The following PDCL2 variants were observed in gnomAD, a reference collection of about 807,000 sequenced individuals.
PDCL2 encodes phosducin-like protein 2.
A neutral mutation model predicts 30.3 loss-of-function variants in PDCL2; 23 were observed. The ratio of observed to expected loss-of-function variants is 0.76; its 90% CI spans 0.55 to 1.08. The LOEUF (loss-of-function observed/expected upper bound fraction) is 1.08. PDCL2 is among the 50% of genes least tolerant of loss of function. The pLI is 0.00. For missense variants in PDCL2, 243 were observed against 282.3 expected, an observed-to-expected ratio of 0.86 and a Z score of 1.00; for synonymous variants, 68 against 86.2, an observed-to-expected ratio of 0.79 and a Z score of 1.17.
At chr4:55,570,726 C>G (rs1190141500) in intron 3 of PDCL2, among the ~76,000 whole-genome samples, 1 of 152,166 alleles carries the variant, frequency 6.6e-6, no homozygotes, top group Non-Finnish European at 1.5e-5. Context: ...CCAACTCTCT[C>G]AACATTTACA....
intron 1 of PDCL2, among the ~76,000 whole-genome samples, chr4:55,588,343 A>G (rs1158170442): frequency 6.6e-6 from 1 of 151,784 alleles, no homozygotes; most frequent in African/African-American, 2.4e-5. Flanking sequence ...CTGTTTATGT[A>G]AAAGTGCAGA....
At chr4:55,562,927 A>AAAAC (rs1553906831) in intron 4 of PDCL2, among the ~76,000 whole-genome samples, 1 of 149,988 alleles carries the variant, frequency 6.7e-6, no homozygotes, top group Non-Finnish European at 1.5e-5. Context: ...AAAAAAAAAA[A>AAAAC]ACAGGACACT....
rs375993279 is a variant in PDCL2 at position 55,579,475 on chromosome 4, T to A, written c.218+1346A>T. 2.0e-4 allele frequency among the ~76,000 whole-genome samples: 30 copies of A among 152,050 alleles called. No homozygotes were observed. The East Asian group carries it at 4.7e-3, about 24-fold the overall frequency. ...TCTCAAGTAGCTGGGATTACAGGCA[T>A]GTGCTACAACGCCTGGCTAATTTAA... On this transcript the variant is annotated intron_variant, in intron 3 of 5. Coordinates refer to ENST00000295645, the MANE Select transcript of PDCL2 (RefSeq NM_152401.3).
chr4:55,569,631 T>C (rs1732367575), intron 4 of PDCL2, 87 bp downstream of exon 4: 3 of 941,902 alleles, frequency 3.2e-6, no homozygotes, highest in Non-Finnish European at 4.4e-6. Context: ...TCTTGAGTAC[T>C]GTTATATACT....
chr4:55,567,247 A>G (rs185660613), intron 4 of PDCL2, among the ~76,000 whole-genome samples: 1 of 152,316 alleles, frequency 6.6e-6, no homozygotes, highest in East Asian at 1.9e-4. Flanking sequence ...AAAATGAGAC[A>G]GCAGGCCAGG....
chr4:55,562,923 A>AAC, intron 4 of PDCL2, among the ~76,000 whole-genome samples: 1 of 127,476 alleles, frequency 7.8e-6, no homozygotes, highest in Admixed American at 7.4e-5. Context: ...AAAAAAAAAA[A>AAC]AAAAACAGGA....
chr4:55,582,271 G>C, intron 1 of PDCL2, 34 bp from the exon 2 acceptor site: 1 of 1,554,990 alleles, frequency 6.4e-7, no homozygotes, highest in Non-Finnish European at 8.7e-7. Flanking sequence ...AAATTAACAT[G>C]GTTGTACACT....
chr4:55,579,487 C>T (rs1374240683), intron 3 of PDCL2, among the ~76,000 whole-genome samples: 1 of 152,048 alleles, frequency 6.6e-6, no homozygotes, highest in Admixed American at 6.6e-5. Flanking sequence ...TGCTACAACG[C>T]CTGGCTAATT....
At chr4:55,559,289 T>C (rs750138454) in intron 5 of PDCL2, among the ~76,000 whole-genome samples, 1 of 152,040 alleles carries the variant, frequency 6.6e-6, no homozygotes, top group Non-Finnish European at 1.5e-5. Context: ...TTTTTACAGG[T>C]GGGCACAACA....
intron 5 of PDCL2, among the ~76,000 whole-genome samples, chr4:55,559,564 T>C (rs551342125): frequency 6.6e-6 from 1 of 152,338 alleles, no homozygotes; most frequent in South Asian, 2.1e-4. Context: ...TCTATAGATA[T>C]ACTTAAGTTA....
chr4:55,559,678 C>T (rs188344361), intron 5 of PDCL2, among the ~76,000 whole-genome samples: 8 of 152,170 alleles, frequency 5.3e-5, no homozygotes, highest in East Asian at 1.9e-4. Context: ...GAATTAAAAA[C>T]GGAGATGAGC....
intron 5 of PDCL2, among the ~76,000 whole-genome samples, chr4:55,557,623 C>G (rs752734272): frequency 7.2e-5 from 11 of 151,914 alleles, no homozygotes; most frequent in Non-Finnish European, 1.6e-4. Flanking sequence ...CATACCATTC[C>G]ACCCCAGCCC....
intron 1 of PDCL2, among the ~76,000 whole-genome samples, chr4:55,590,312 C>G (rs989153939): frequency 2.7e-5 from 4 of 149,502 alleles, no homozygotes; most frequent in Non-Finnish European, 4.4e-5. Flanking sequence ...GAGGCCCCAT[C>G]TCTACAAAAA....
intron 1 of PDCL2, among the ~76,000 whole-genome samples, chr4:55,588,428 T>C (rs1056003304): frequency 6.6e-6 from 1 of 151,812 alleles, no homozygotes; most frequent in Non-Finnish European, 1.5e-5. Flanking sequence ...GACTCTCTTA[T>C]CTACTTCTGA....
intron 1 of PDCL2, among the ~76,000 whole-genome samples, chr4:55,583,234 G>A (rs77878695): frequency 0.043 from 6,601 of 152,212 alleles, 451 homozygotes; most frequent in African/African-American, 0.15. Context: ...CTTCCAAACT[G>A]CTGGGATTAT....
intron 4 of PDCL2, 61 bp from the exon 5 acceptor site, chr4:55,562,673 A>G: frequency 8.9e-7 from 1 of 1,121,610 alleles, no homozygotes. Context: ...CAGTCTAATG[A>G]AATAAGTAAA....
chr4:55,586,961 T>G (rs1321975994), intron 1 of PDCL2, among the ~76,000 whole-genome samples: 1 of 145,954 alleles, frequency 6.9e-6, no homozygotes, highest in East Asian at 1.9e-4. Context: ...TTTGGAGATC[T>G]TCTTTTAAGA....
chr4:55,576,148 G>A (rs772811418), intron 3 of PDCL2, among the ~76,000 whole-genome samples: 9 of 151,886 alleles, frequency 5.9e-5, no homozygotes, highest in South Asian at 2.1e-4. Flanking sequence ...CTGGAGTGCC[G>A]TGGCGCGATC....
At chr4:55,584,250 G>GTT (rs1553908144) in intron 1 of PDCL2, among the ~76,000 whole-genome samples, 80 of 150,054 alleles carry the variant, frequency 5.3e-4, no homozygotes, top group Admixed American at 2.3e-3. Flanking sequence ...TTTTGTTGTT[G>GTT]TTGTTTTGTT....
Sources: gnomAD v4.1 joint callset for allele counts (sites outside exome capture counted in the v4.1 genomes callset) on GRCh38, gnomAD v4.1.1 for gene constraint, MANE v1.5 for transcripts, NCBI Gene and HGNC (gene_info 2026-07-23, HGNC 2026-07-21) for gene names.